Variants in FNBP1L observed in about 807,000 individuals in gnomAD.
FNBP1L encodes the protein formin binding protein 1 like, also known as formin-binding protein 1-like.
Under a neutral mutation model 91.2 loss-of-function variants are expected in FNBP1L, and 36 were observed. The observed-to-expected ratio is 0.39, with a 90% CI of 0.30 to 0.52. The LOEUF (loss-of-function observed/expected upper bound fraction) is 0.52, where lower values mean the gene tolerates loss of function less well. FNBP1L is among the 20% of genes least tolerant of loss of function. The pLI, the probability that FNBP1L is intolerant of heterozygous loss-of-function variation, is 0.66. For missense variants in FNBP1L, 571 were observed against 732.1 expected, an observed-to-expected ratio of 0.78 and a Z score of 2.54; for synonymous variants, 242 against 237.0, an observed-to-expected ratio of 1.02 and a Z score of -0.19.
intron 2 of FNBP1L, among the ~76,000 whole-genome samples, chr1:93,514,051 T>C (rs920563036): frequency 6.6e-6 from 1 of 151,988 alleles, no homozygotes; most frequent in African/African-American, 2.4e-5. Flanking sequence ...CTCCTTAAGC[T>C]GATAAGCAAC....
intron 2 of FNBP1L, among the ~76,000 whole-genome samples, chr1:93,505,150 C>T (rs1453780623): frequency 2.2e-5 from 3 of 134,288 alleles, no homozygotes; most frequent in African/African-American, 5.9e-5. Context: ...TCACTCTTGT[C>T]GCCCAGCCTG....
At chr1:93,543,435 T>C (rs545810105) in intron 11 of FNBP1L, among the ~76,000 whole-genome samples, 1 of 152,158 alleles carries the variant, frequency 6.6e-6, no homozygotes, top group Non-Finnish European at 1.5e-5. Context: ...GGTATGTTAT[T>C]TGGTTTACAA....
chr1:93,525,708 A>G (rs1671471417), intron 5 of FNBP1L, among the ~76,000 whole-genome samples: 1 of 152,200 alleles, frequency 6.6e-6, no homozygotes, highest in South Asian at 2.1e-4. Flanking sequence ...GTCATAAGAA[A>G]GAAAGAAGCA....
intron 1 of FNBP1L, among the ~76,000 whole-genome samples, chr1:93,487,233 T>C (rs949852187): frequency 2.6e-5 from 4 of 152,200 alleles, no homozygotes; most frequent in African/African-American, 9.6e-5. Flanking sequence ...CCCCCAAATG[T>C]TGGCTTTTAA....
At chr1:93,519,161 A>C (rs899158161) in intron 2 of FNBP1L, among the ~76,000 whole-genome samples, 7 of 152,218 alleles carry the variant, frequency 4.6e-5, no homozygotes, top group African/African-American at 1.7e-4. Context: ...AACCAGGATT[A>C]ATAACCACTG....
intron 1 of FNBP1L, among the ~76,000 whole-genome samples, chr1:93,486,683 C>T (rs977071899): frequency 1.4e-4 from 21 of 152,096 alleles, no homozygotes; most frequent in Middle Eastern, 3.2e-3. Flanking sequence ...CAGAAGCAAT[C>T]GTAGGAGAAT....
intron 5 of FNBP1L, among the ~76,000 whole-genome samples, chr1:93,529,301 AT>A (rs1459501225): frequency 6.6e-6 from 1 of 152,004 alleles, no homozygotes; most frequent in African/African-American, 2.4e-5. Context: ...TCTGTAATTA[AT>A]GTCTGATATT....
Position 93,540,899 on chromosome 1 carries a change from T to A in FNBP1L, c.1150-143T>A, listed in dbSNP as rs1570867543. 5 of 620,146 alleles carry A rather than the reference T, an allele frequency of 8.1e-6. No individual in the cohort carries two copies. In the South Asian group the frequency reaches 2.4e-4, roughly 30 times the overall value. 38.4% of individuals were successfully genotyped at this position (620,146 alleles called of 1,614,324 possible). On this transcript the variant is annotated intron_variant, in intron 10 of 16. Transcript: ENST00000271234. ...CTTTCCCAAAATGTGCTTAAAATGG[T>A]TTTTCTGGCATAATTGTTTGGATTG...
chr1:93,552,211 G>A, intron 16 of FNBP1L, 198 bp from the exon 17 acceptor site: 2 of 1,365,476 alleles, frequency 1.5e-6, no homozygotes, highest in Non-Finnish European at 1.9e-6. Context: ...CTGAGTCAGT[G>A]GTGTGGGGAA....
chr1:93,489,486 T>A (rs1204962880), intron 1 of FNBP1L, among the ~76,000 whole-genome samples: 2 of 152,060 alleles, frequency 1.3e-5, no homozygotes, highest in African/African-American at 4.8e-5. Flanking sequence ...AGGCAGTTAT[T>A]GCTATTGACA....
intron 2 of FNBP1L, among the ~76,000 whole-genome samples, chr1:93,518,551 A>G (rs949571757): frequency 2.0e-5 from 3 of 152,234 alleles, no homozygotes; most frequent in Non-Finnish European, 4.4e-5. Flanking sequence ...AAATGTCTAA[A>G]TTCTAGATGG....
rs536897106 is a variant in FNBP1L, at chr1:93,489,193, G to C, written c.25-10275G>C. Among the ~76,000 whole-genome samples, 23 of 152,286 alleles carry C rather than the reference G, an allele frequency of 1.5e-4. 1 individual carries two copies. The South Asian group carries it at 2.5e-3, about 16-fold the overall frequency. ...AGGGTTGAAATTTGGCAAAGCTAGA[G>C]AGGGGCAAGGACAGTGAGTATATTT... On this transcript the variant is annotated intron_variant, in intron 1 of 16. Transcript: ENST00000271234.
intron 2 of FNBP1L, among the ~76,000 whole-genome samples, chr1:93,515,052 G>A (rs1247339875): frequency 6.6e-6 from 1 of 152,068 alleles, no homozygotes; most frequent in Non-Finnish European, 1.5e-5. Context: ...AATCTACAAC[G>A]AACTCAAACA....
chr1:93,490,913 C>A (rs1670070305), intron 1 of FNBP1L, among the ~76,000 whole-genome samples: 1 of 152,084 alleles, frequency 6.6e-6, no homozygotes, highest in Non-Finnish European at 1.5e-5. Context: ...TCTAAGACTT[C>A]ATGACTTTGA....
rs1364494220 is a variant in FNBP1L at position 93,448,887 on chromosome 1, G to C, written c.24+582G>C. ...CCCGGCCTCGGGCCAGCCAGGCCCA[G>C]CCCACACGCACATTTCTCTCTCCCT... is the stretch of plus-strand genomic sequence containing the variant. On this transcript the variant is annotated intron_variant, in intron 1 of 16. Coordinates refer to ENST00000271234, the MANE Select transcript of FNBP1L (RefSeq NM_001164473.3). Among the ~76,000 whole-genome samples the C allele has an allele frequency of 3.9e-5, 6 of 152,288 alleles. No individual in the cohort carries two copies. The South Asian group carries it at 1.2e-3, about 32-fold the overall frequency.
At chr1:93,502,173 A>G (rs1302234481) in intron 2 of FNBP1L, among the ~76,000 whole-genome samples, 2 of 152,190 alleles carry the variant, frequency 1.3e-5, no homozygotes, top group Non-Finnish European at 2.9e-5. Context: ...ATTTGTATGT[A>G]TTCTGAAGAG....
Position 93,515,793 on chromosome 1 carries a change from T to C in FNBP1L, c.141-6289T>C, listed in dbSNP as rs1046269348. Among the ~76,000 whole-genome samples, 4 of 148,774 alleles carry C rather than the reference T, an allele frequency of 2.7e-5. No individual in the cohort carries two copies. In the South Asian group the frequency reaches 9.0e-4, roughly 33 times the overall value. On this transcript the variant is annotated intron_variant, in intron 2 of 16. Transcript: ENST00000271234. ...GGTGGGGGGAGGGGGAGGTATAGCA[T>C]TGGGAGATATACGTAATGCTAGATG...
At chr1:93,532,796 G>A in intron 7 of FNBP1L, 126 bp from the exon 8 acceptor site, 4 of 601,080 alleles carry the variant, frequency 6.7e-6, no homozygotes, top group South Asian at 7.2e-5. Flanking sequence ...TTGTTAAAAG[G>A]TATTAACAAC....
At chr1:93,549,795 T>A (rs1280784899) in intron 15 of FNBP1L, among the ~76,000 whole-genome samples, 1 of 152,230 alleles carries the variant, frequency 6.6e-6, no homozygotes, top group Non-Finnish European at 1.5e-5. Flanking sequence ...TGCCACTTCA[T>A]GCTCTTCCTT....
Sources: allele counts gnomAD v4.1 joint callset (sites outside exome capture counted in the v4.1 genomes callset), GRCh38; gene constraint gnomAD v4.1.1; transcripts MANE v1.5; gene names NCBI Gene and HGNC (gene_info 2026-07-23, HGNC 2026-07-21).